Variants in ALMS1 observed in about 807,000 individuals in gnomAD.
The protein encoded by ALMS1 is ALMS1 centrosome and basal body associated protein.
A neutral mutation model predicts 352.2 loss-of-function variants in ALMS1; 271 were observed. The ratio of observed to expected loss-of-function variants is 0.77; its 90% CI spans 0.70 to 0.85. ALMS1 has a LOEUF of 0.85. Among genes scored for constraint, ALMS1 ranks in the 40% least tolerant of loss-of-function variants. The probability of loss-of-function intolerance (pLI) is 0.00; values close to 1 mark genes in which losing one functional copy is unlikely to be tolerated. For missense variants in ALMS1, 5,445 were observed against 4,870.7 expected, an observed-to-expected ratio of 1.12 and a Z score of -3.51; for synonymous variants, 1,865 against 1,761.2, an observed-to-expected ratio of 1.06 and a Z score of -1.48.
In ALMS1 at chr2:73,573,123, C is replaced by T. The variant is rs746447460; in HGVS notation, c.11246C>T (p.Thr3749Ile). The change falls in exon 16 of 23, where the codon ACT (threonine) becomes ATT (isoleucine). Residue 3749 changes from threonine to isoleucine, a missense_variant. Thr to Ile is a moderately conservative substitution (Grantham distance 89). Transcript: ENST00000613296. ...PSEESELLTD[T>I]TTNILSGTTS... ...GAGGAGAGTGAGCTGCTCACAGATA[C>T]TACCACCAACATCCTTTCCGGCACC... The T allele has an allele frequency of 1.2e-6, 2 of 1,614,030 alleles. No individual in the cohort carries two copies. The highest frequency in any genetic ancestry group is 1.3e-5 in the African/African-American group (1 of 75,042).
At chr2:73,511,631 C>T (rs1181626675) in intron 10 of ALMS1, among the ~76,000 whole-genome samples, 1 of 152,152 alleles carries the variant, frequency 6.6e-6, no homozygotes, top group African/African-American at 2.4e-5. Context: ...GCCCGGGAAT[C>T]CCTCATGTAC....
At chr2:73,485,929 G>A (rs553396509) in intron 9 of ALMS1, among the ~76,000 whole-genome samples, 81 of 152,052 alleles carry the variant, frequency 5.3e-4, no homozygotes, top group African/African-American at 1.9e-3. Context: ...GCCCTGCTTC[G>A]TCTCGCACAC....
rs72909304 is a variant in ALMS1, at chr2:73,401,526, G to T, written c.325-7096G>T. Reference sequence around the variant, plus strand: ...CTGTTTAACCTCTTAAGTATGTTGGGATTTTCCAGCTATTTTTCTGTTATT... The same window carrying T: ...CTGTTTAACCTCTTAAGTATGTTGGTATTTTCCAGCTATTTTTCTGTTATT... On this transcript the variant is annotated intron_variant, in intron 1 of 22. Transcript: ENST00000613296. 4.0e-3 allele frequency among the ~76,000 whole-genome samples: 608 copies of T among 152,036 alleles called. 5 individuals are homozygous for T. The highest frequency in any genetic ancestry group is 0.012 in the African/African-American group (505 of 41,474).
Position 73,450,151 on chromosome 2 carries a change from T to A in ALMS1, c.3624T>A (p.Gly1208=), listed in dbSNP as rs752853198. The change falls in exon 8 of 23, where the codon GGT becomes GGA. Residue 1208 remains glycine, a synonymous_variant. Coordinates refer to ENST00000613296, the MANE Select transcript of ALMS1 (RefSeq NM_001378454.1). ...PGIFYQQTLP[G]SHIPEEAQKV... ...TTTTCTATCAACAGACCTTGCCAGG[T>A]AGTCACATACCTGAAGAGGCACAGA... 5 of 1,613,920 alleles carry A rather than the reference T, an allele frequency of 3.1e-6. No homozygotes were observed. The highest frequency in any genetic ancestry group is 4.2e-6 in the Non-Finnish European group (5 of 1,179,938).
At chr2:73,495,315 A>G (rs1231626133) in intron 10 of ALMS1, among the ~76,000 whole-genome samples, 1 of 151,476 alleles carries the variant, frequency 6.6e-6, no homozygotes, top group East Asian at 1.9e-4. Context: ...GCTCACTGCA[A>G]CCTCCACCTC....
chr2:73,448,780 C>A lies in ALMS1; in HGVS notation c.2253C>A (p.Asp751Glu). The A allele has an allele frequency of 6.2e-7, 1 of 1,614,106 alleles. No homozygotes were observed. The change falls in exon 8 of 23, where the codon GAC becomes GAA. Residue 751 changes from aspartate (D) to glutamate (E), a missense_variant. By Grantham distance (45) the Asp-to-Glu change is conservative (BLOSUM62 2). Transcript: ENST00000613296. ...TTTCAGCCACTCCTGGACCAGCTGA[C>A]CAGAAGACTGAGATACCAGCAGTAC... ...TKVSATPGPA[D>E]QKTEIPAVQS... is the part of the protein sequence containing the mutation.
At chr2:73,471,932 GATAT>G in intron 9 of ALMS1, among the ~76,000 whole-genome samples, 1 of 151,914 alleles carries the variant, frequency 6.6e-6, no homozygotes, top group East Asian at 1.9e-4. Context: ...CAGTAGCCAA[GATAT>G]ATAAACAAGA....
chr2:73,442,292 ATAT>A lies in ALMS1; in HGVS notation c.1433-5658_1433-5656del, dbSNP rs895012041. Among the ~76,000 whole-genome samples the A allele has an allele frequency of 2.9e-3, 439 of 152,158 alleles. 3 individuals are homozygous for A. Among genetic ancestry groups the A allele is most frequent in the African/African-American group, 9.7e-3 (404 of 41,506 alleles). On this transcript the variant is annotated intron_variant, in intron 7 of 22. Transcript: ENST00000613296. ...GGTATGCACAATATGTTCTTTTATC[ATAT>A]TATTATTATGCCATATTGTTTTATA...
intron 15 of ALMS1, among the ~76,000 whole-genome samples, chr2:73,566,949 C>T (rs538026553): frequency 1.1e-4 from 16 of 152,328 alleles, no homozygotes; most frequent in African/African-American, 3.8e-4. Flanking sequence ...TGAAGAGATA[C>T]ATGGGCAAGG....
intron 12 of ALMS1, among the ~76,000 whole-genome samples, chr2:73,546,153 C>T (rs1489487873): frequency 1.3e-5 from 2 of 152,162 alleles, no homozygotes; most frequent in African/African-American, 2.4e-5. Context: ...GCAAGGTTTT[C>T]ACCTCACATG....
chr2:73,437,870 C>T (rs1043239701), intron 7 of ALMS1, among the ~76,000 whole-genome samples: 3 of 152,176 alleles, frequency 2.0e-5, no homozygotes, highest in African/African-American at 7.2e-5. Flanking sequence ...TGTATTCTAC[C>T]TGGTACTCAA....
intron 2 of ALMS1, 49 bp from the exon 3 acceptor site, chr2:73,419,074 T>G: frequency 6.9e-7 from 1 of 1,456,148 alleles, no homozygotes; most frequent in Non-Finnish European, 9.6e-7. Context: ...TTAATATGTA[T>G]GGTAACTCAG....
chr2:73,579,995 G>A (rs1423787925), intron 16 of ALMS1, among the ~76,000 whole-genome samples: 2 of 151,826 alleles, frequency 1.3e-5, no homozygotes, highest in Non-Finnish European at 2.9e-5. Context: ...TCTTCTTTTG[G>A]GATTCCTAAT....
chr2:73,571,573 C>T (rs939491727), intron 15 of ALMS1, among the ~76,000 whole-genome samples: 2 of 152,064 alleles, frequency 1.3e-5, no homozygotes, highest in African/African-American at 4.8e-5. Flanking sequence ...CACCTCCTAC[C>T]TAATACTATT....
At chr2:73,547,162 A>G (rs1674339663) in intron 12 of ALMS1, among the ~76,000 whole-genome samples, 1 of 152,140 alleles carries the variant, frequency 6.6e-6, no homozygotes, top group African/African-American at 2.4e-5. Flanking sequence ...AAATGTTCTG[A>G]TTATGTTTAA....
At position 73,451,239 on chromosome 2, in the gene ALMS1, A is replaced by C; in HGVS notation, c.4712A>C (p.Tyr1571Ser). The C allele has an allele frequency of 5.0e-6, 8 of 1,608,230 alleles. No homozygotes were observed. Among genetic ancestry groups the C allele is most frequent in the Non-Finnish European group, 6.8e-6 (8 of 1,178,412 alleles). ...ATACCAACCATAACCTCTACTTCCT[A>C]CTCATTTGGAGAGAAGCCGATTGTT... The part of the protein sequence containing the change: ...TGIPTITSTS[Y>S]SFGEKPIVNY... Residue 1571 changes from tyrosine (Y) to serine (S), a missense_variant, in exon 8 of 23, where the codon TAC (tyrosine) becomes TCC (serine). Coordinates refer to ENST00000613296, the MANE Select transcript of ALMS1 (RefSeq NM_001378454.1).
chr2:73,502,905 TTCTC>T (rs1673245810), intron 10 of ALMS1, among the ~76,000 whole-genome samples: 1 of 152,114 alleles, frequency 6.6e-6, no homozygotes, highest in African/African-American at 2.4e-5. Context: ...GAACTTCTCT[TTCTC>T]CTTAGTTATT....
chr2:73,446,716 C>A (rs1671817179), intron 7 of ALMS1, among the ~76,000 whole-genome samples: 1 of 152,022 alleles, frequency 6.6e-6, no homozygotes, highest in South Asian at 2.1e-4. Context: ...TTGTCACTTA[C>A]CCACCTACAA....
intron 11 of ALMS1, among the ~76,000 whole-genome samples, chr2:73,523,623 C>G (rs1031333808): frequency 6.6e-6 from 1 of 151,936 alleles, no homozygotes; most frequent in Non-Finnish European, 1.5e-5. Flanking sequence ...AAAAATTAGC[C>G]GGGCATGATG....
Sources: gnomAD v4.1 joint callset for allele counts (sites outside exome capture counted in the v4.1 genomes callset) on GRCh38, gnomAD v4.1.1 for gene constraint, MANE v1.5 for transcripts, NCBI Gene and HGNC (gene_info 2026-07-23, HGNC 2026-07-21) for gene names.